CHD3: variants seen among roughly 807,000 people sequenced by gnomAD.
CHD3 encodes the protein chromodomain helicase DNA binding protein 3, also known as ATP-dependent chromatin remodeler CHD3.
Under a neutral mutation model 248.9 loss-of-function variants are expected in CHD3, and 52 were observed. The observed-to-expected ratio is 0.21, with a 90% CI of 0.17 to 0.26. The LOEUF (loss-of-function observed/expected upper bound fraction) is 0.26, where lower values mean the gene tolerates loss of function less well. Ranked by LOEUF, CHD3 falls within the 10% of genes least tolerant of loss-of-function variation. The pLI, the probability that CHD3 is intolerant of heterozygous loss-of-function variation, is 1.00. For synonymous variants in CHD3, 985 were observed against 985.2 expected (o/e 1.00, Z 0.00); for missense variants, 1,482 against 2,605.8 (o/e 0.57, Z 9.39).
rs1971305451 is a variant in CHD3, at chr17:7,908,885, AC to A, written c.5394+58del. 1 of 1,610,060 alleles carries A rather than the reference AC, an allele frequency of 6.2e-7. No individual in the cohort carries two copies. Among genetic ancestry groups the A allele is most frequent in the Admixed American group, 1.7e-5 (1 of 59,858 alleles). ...TAGACGGGCTTGGGTCAGAAGTGAG[AC>A]CAGATCTAGTTGGAACCTAGGGAAG... On this transcript the variant is annotated intron_variant, in intron 36 of 39. Transcript: ENST00000330494. The surrounding 1 kb of genome is among the most constrained non-coding windows in gnomAD (Gnocchi z 5.8).
chr17:7,896,227 CAAAAAA>C (rs750972677), intron 10 of CHD3, among the ~76,000 whole-genome samples: 1 of 57,928 alleles, frequency 1.7e-5, no homozygotes, highest in African/African-American at 6.3e-5. Context: ...CACTCTATCT[CAAAAAA>C]AAAAAAAAAA....
chr17:7,901,774 G>A (rs936306433), intron 20 of CHD3, among the ~76,000 whole-genome samples: 3 of 152,086 alleles, frequency 2.0e-5, no homozygotes, highest in African/African-American at 4.8e-5. Context: ...GTCTCCCAAA[G>A]TGCTGGGATT....
Position 7,893,560 on chromosome 17 carries a change from G to A in CHD3, c.784G>A (p.Glu262Lys). Residue 262 changes from glutamate (E) to lysine (K), a missense_variant, in exon 5 of 40, where the codon GAG (glutamate) becomes AAG (lysine). Glu to Lys is a moderately conservative substitution (Grantham distance 56). This residue lies in a region of CHD3 where 149 missense variants were observed against 182.6 expected (regional missense o/e 0.82). Coordinates refer to ENST00000330494, the MANE Select transcript of CHD3 (RefSeq NM_001005273.3). Reference sequence around the variant, plus strand: ...ACCCATCCGAAGAGCCAAAACCAAAGAGGGCAAAGGTAGGGAACTCTCTTC... The same window carrying A: ...ACCCATCCGAAGAGCCAAAACCAAAAAGGGCAAAGGTAGGGAACTCTCTTC... ...PPPIRRAKTK[E>K]GKGPGHKRRS... The A allele has an allele frequency of 6.5e-7, 1 of 1,532,696 alleles. No homozygotes were observed. Among genetic ancestry groups the A allele is most frequent in the South Asian group, 1.2e-5 (1 of 85,256 alleles). 94.9% of individuals were successfully genotyped at this position (1,532,696 alleles called of 1,614,324 possible). A position where few individuals can be genotyped will look rare whatever the true frequency, so the allele number is the denominator to read the frequency against.
chr17:7,893,947 G>A lies in CHD3; in HGVS notation c.924+12G>A, dbSNP rs75122325. On this transcript the variant is annotated intron_variant, in intron 6 of 39. Coordinates refer to ENST00000330494, the MANE Select transcript of CHD3 (RefSeq NM_001005273.3). The stretch of plus-strand genomic sequence containing the variant: ...AGAAAGGAGGCTCGGTGAGTGACCC[G>A]TCCCTGTCTACTAAACACCTGGGGG... The A allele has an allele frequency of 0.017, 27,481 of 1,613,596 alleles. 488 individuals carry two copies. Among genetic ancestry groups the A allele is most frequent in the East Asian group, 0.11 (4,771 of 44,868 alleles).
At chr17:7,888,459 G>T (rs1968334606), upstream of CHD3, among the ~76,000 whole-genome samples, 1 of 152,206 alleles carries the variant, frequency 6.6e-6, no homozygotes. Context: ...GACAGGTCTG[G>T]CTGGTTAGTC....
chr17:7,909,125 C>T lies in CHD3; in HGVS notation c.5395-18C>T. The T allele has an allele frequency of 6.4e-7, 1 of 1,552,248 alleles. No homozygotes were observed. Among genetic ancestry groups the T allele is most frequent in the Non-Finnish European group, 8.7e-7 (1 of 1,148,464 alleles). On this transcript the variant is annotated intron_variant, in intron 36 of 39. Transcript: ENST00000330494. The surrounding 1 kb of genome is among the most constrained non-coding windows in gnomAD (Gnocchi z 8.1). Reference sequence around the variant, plus strand: ...GCTGGCAGAGCCCTACCTTCACCTCCCAACTCTGTGCCCTCAGCTCCTGGA... The same window carrying T: ...GCTGGCAGAGCCCTACCTTCACCTCTCAACTCTGTGCCCTCAGCTCCTGGA...
Position 7,899,384 on chromosome 17 carries a change from T to C in CHD3, c.2385T>C (p.Ser795=). The C allele has an allele frequency of 6.2e-7, 1 of 1,614,138 alleles. No individual in the cohort carries two copies. Among genetic ancestry groups the C allele is most frequent in the Non-Finnish European group, 8.5e-7 (1 of 1,179,998 alleles). Reference sequence around the variant, plus strand: ...CCTTCCTGGTGAGTGCCCCACTCTCTACCATCATTAACTGGGAGCGGGAGT... The same window carrying C: ...CCTTCCTGGTGAGTGCCCCACTCTCCACCATCATTAACTGGGAGCGGGAGT... ...KGPFLVSAPL[S]TIINWEREFQ... The change falls in exon 15 of 40, where the codon TCT becomes TCC. Residue 795 remains serine (S), a synonymous_variant. Transcript: ENST00000330494. The surrounding 1 kb of genome is among the most constrained non-coding windows in gnomAD (Gnocchi z 6.8).
In CHD3 at chr17:7,912,152, A is replaced by AAGTC. The variant is rs1389043406; in HGVS notation, c.*569_*572dup. The AAGTC allele has an allele frequency of 1.0e-5, 2 of 199,922 alleles. No homozygotes were observed. The highest frequency in any genetic ancestry group is 4.8e-5 in the African/African-American group (2 of 41,732). The allele number at this position is 199,922 out of a possible 1,614,324, so 12.4% of individuals were successfully genotyped here. ...GAGGGTGGAGCAGTTATGAGGGAGG[A>AAGTC]AGTCAACTGCTGTTCAGCCTCAGAA... is the stretch of plus-strand genomic sequence containing the variant. On this transcript the variant is annotated 3_prime_UTR_variant, in exon 40 of 40. Transcript: ENST00000330494.
In CHD3 at chr17:7,900,749, C is replaced by G. The variant is rs1597969148; in HGVS notation, c.2978+18C>G. On this transcript the variant is annotated intron_variant, in intron 18 of 39. Transcript: ENST00000330494. This position sits in a 1 kb window ranked among gnomAD's most constrained non-coding sequence, Gnocchi z 6.5. ...ATGCAGAAGTAAGATGCAAGACGAG[C>G]TGCCTGGAGTAGGGCTTGGGGATTG... The G allele has an allele frequency of 2.5e-6, 4 of 1,610,396 alleles. No individual in the cohort carries two copies. In the East Asian group the frequency reaches 8.9e-5, roughly 36 times the overall value.
In CHD3 at chr17:7,907,381, T is replaced by C. The variant is rs771147785; in HGVS notation, c.4817T>C (p.Leu1606Pro). 9.3e-6 allele frequency: 15 copies of C among 1,607,952 alleles called. No individual in the cohort carries two copies. The highest frequency in any genetic ancestry group is 3.4e-5 in the Admixed American group (2 of 59,478). The change falls in exon 32 of 40, where the codon CTT (leucine) becomes CCT (proline). Residue 1606 changes from leucine (L) to proline (P), a missense_variant. By Grantham distance (98) the Leu-to-Pro change is moderately conservative (BLOSUM62 -3). Coordinates refer to ENST00000330494, the MANE Select transcript of CHD3 (RefSeq NM_001005273.3). This position sits in a 1 kb window ranked among gnomAD's most constrained non-coding sequence, Gnocchi z 4.3. Reference protein sequence around the residue: ...EADAPSPAPSLGERLEPRKIP... With the variant: ...EADAPSPAPSPGERLEPRKIP... Reference sequence around the variant, plus strand: ...GATGCCCCCAGCCCAGCCCCATCACTTGGGGAGCGGCTGGAGCCAAGGAAG... The same window carrying C: ...GATGCCCCCAGCCCAGCCCCATCACCTGGGGAGCGGCTGGAGCCAAGGAAG...
Position 7,895,662 on chromosome 17 carries a change from G to T in CHD3, c.1707+120G>T. On this transcript the variant is annotated intron_variant, in intron 10 of 39. Coordinates refer to ENST00000330494, the MANE Select transcript of CHD3 (RefSeq NM_001005273.3). This position sits in a 1 kb window ranked among gnomAD's most constrained non-coding sequence, Gnocchi z 4.9. ...TTGTTTTCTCTCATTTCAGGCCTGTGGCCTTCATACCCTACTTGCTTAGTT... is the reference window on the plus strand; with the variant it reads ...TTGTTTTCTCTCATTTCAGGCCTGTTGCCTTCATACCCTACTTGCTTAGTT... 1.2e-6 allele frequency: 1 copy of T among 840,538 alleles called. No homozygotes were observed. Among genetic ancestry groups the T allele is most frequent in the South Asian group, 1.7e-5 (1 of 59,474 alleles). 52.1% of individuals were successfully genotyped at this position (840,538 alleles called of 1,614,324 possible).
upstream of CHD3, among the ~76,000 whole-genome samples, chr17:7,887,904 C>T (rs374932223): frequency 6.6e-6 from 1 of 152,246 alleles, no homozygotes; most frequent in East Asian, 1.9e-4. Flanking sequence ...CTCGCTTTGC[C>T]TCTCCCGCCA....
Position 7,900,138 on chromosome 17 carries a change from G to A in CHD3, c.2682+105G>A, listed in dbSNP as rs1970135834. On this transcript the variant is annotated intron_variant, in intron 16 of 39. Transcript: ENST00000330494. The surrounding 1 kb of genome is among the most constrained non-coding windows in gnomAD (Gnocchi z 6.5). ...CTGGGGATTTTCTGTAGTCTGGGAGGACGTCCAGGTTGGAAGAGGGAGAGG... is the reference window on the plus strand; with the variant it reads ...CTGGGGATTTTCTGTAGTCTGGGAGAACGTCCAGGTTGGAAGAGGGAGAGG... 2 of 1,526,258 alleles carry A rather than the reference G, an allele frequency of 1.3e-6. No individual in the cohort carries two copies. The highest frequency in any genetic ancestry group is 3.9e-5 in the Admixed American group (2 of 51,236). The allele number at this position is 1,526,258 out of a possible 1,614,324, so 94.5% of individuals were successfully genotyped here.
chr17:7,889,071 C>T lies in CHD3; in HGVS notation c.71C>T (p.Pro24Leu), dbSNP rs745703255. The T allele has an allele frequency of 1.9e-6, 3 of 1,614,072 alleles. No homozygotes were observed. The highest frequency in any genetic ancestry group is 2.7e-5 in the African/African-American group (2 of 74,926). Residue 24 changes from proline to leucine, a missense_variant, in exon 1 of 40, where the codon CCA (proline) becomes CTA (leucine). Coordinates refer to ENST00000330494, the MANE Select transcript of CHD3 (RefSeq NM_001005273.3). The surrounding 1 kb of genome is among the most constrained non-coding windows in gnomAD (Gnocchi z 4.5). ...KNDQLRISFPPGLCWGDRMPD... is the reference protein window; with the variant it reads ...KNDQLRISFPLGLCWGDRMPD... Reference sequence around the variant, plus strand: ...GACCAGCTGAGGATTTCTTTTCCTCCAGGACTGTGTTGGGGTGACAGGATG... The same window carrying T: ...GACCAGCTGAGGATTTCTTTTCCTCTAGGACTGTGTTGGGGTGACAGGATG...
At position 7,910,640 on chromosome 17, in the gene CHD3, T is replaced by C; in HGVS notation, c.5754+49T>C. The C allele has an allele frequency of 6.4e-7, 1 of 1,574,338 alleles. No individual in the cohort carries two copies. The highest frequency in any genetic ancestry group is 1.1e-5 in the South Asian group (1 of 87,630). ...CAGTTTTCCCTGTTTGTGTTCCTCCTGCACACATACAAACACTTCCATCAG... is the reference window on the plus strand; with the variant it reads ...CAGTTTTCCCTGTTTGTGTTCCTCCCGCACACATACAAACACTTCCATCAG... On this transcript the variant is annotated intron_variant, in intron 38 of 39. Coordinates refer to ENST00000330494, the MANE Select transcript of CHD3 (RefSeq NM_001005273.3). This position sits in a 1 kb window ranked among gnomAD's most constrained non-coding sequence, Gnocchi z 4.7.
chr17:7,887,926 C>T (rs1379617109), upstream of CHD3, among the ~76,000 whole-genome samples: 2 of 152,234 alleles, frequency 1.3e-5, no homozygotes, highest in South Asian at 2.1e-4. Context: ...CGACGCCTGC[C>T]CAAGTTCGGG....
intron 13 of CHD3, 49 bp downstream of exon 13, chr17:7,898,644 A>C: frequency 7.1e-7 from 1 of 1,411,116 alleles, no homozygotes; most frequent in Non-Finnish European, 9.9e-7. Flanking sequence ...ATGGTGATCG[A>C]AGATTTTCCA....
At chr17:7,894,884 CATCT>C (rs1019995849) in intron 8 of CHD3, 29 bp from the exon 9 acceptor site, 3 of 1,607,756 alleles carry the variant, frequency 1.9e-6, no homozygotes, top group African/African-American at 2.7e-5. Context: ...TAATTTCTTC[CATCT>C]GTCTGTGTGT....
rs200279688 is a variant in CHD3, at chr17:7,895,302, C to G, written c.1504-37C>G. ...ATCTAACAATGGGTTCTTTCTGCCT[C>G]TTTCTTTCCTCCTCCTTGTACGTGT... On this transcript the variant is annotated intron_variant, in intron 9 of 39. Transcript: ENST00000330494. The surrounding 1 kb of genome is among the most constrained non-coding windows in gnomAD (Gnocchi z 4.9). 201 of 1,609,538 alleles carry G rather than the reference C, an allele frequency of 1.2e-4. No homozygotes were observed. The highest frequency in any genetic ancestry group is 2.0e-4 in the Admixed American group (12 of 59,854).
Sources: gnomAD v4.1 joint callset for allele counts (sites outside exome capture counted in the v4.1 genomes callset) on GRCh38, gnomAD v4.1.1 for gene constraint, gnomAD v4.1.1 regional missense constraint, Gnocchi (gnomAD v3.1) non-coding constraint, MANE v1.5 for transcripts, NCBI Gene and HGNC (gene_info 2026-07-23, HGNC 2026-07-21) for gene names.